Variants in CRYZL1 observed in about 807,000 individuals in gnomAD.
CRYZL1 encodes the protein crystallin zeta like 1.
Under a neutral mutation model 50.6 loss-of-function variants are expected in CRYZL1, and 34 were observed. The ratio of observed to expected loss-of-function variants is 0.67; its 90% CI spans 0.51 to 0.89. The LOEUF (loss-of-function observed/expected upper bound fraction) is 0.89, where lower values mean the gene tolerates loss of function less well. Among genes scored for constraint, CRYZL1 ranks in the 40% least tolerant of loss-of-function variants. The pLI is 0.00. For missense variants in CRYZL1, 354 were observed against 402.3 expected (o/e 0.88, Z 1.03); for synonymous variants, 125 against 134.3 (o/e 0.93, Z 0.48).
intron 5 of CRYZL1, among the ~76,000 whole-genome samples, chr21:33,614,686 C>T (rs1215120780): frequency 6.6e-6 from 1 of 152,126 alleles, no homozygotes; most frequent in East Asian, 1.9e-4. Context: ...ATTCTCCTGC[C>T]TCAGCCTCCC....
intron 1 of CRYZL1, among the ~76,000 whole-genome samples, chr21:33,632,090 A>G (rs538391849): frequency 6.6e-6 from 1 of 151,754 alleles, no homozygotes; most frequent in African/African-American, 2.4e-5. Flanking sequence ...TGGGAGGCCA[A>G]GGCAGGCAGA....
At chr21:33,602,209 A>C (rs2086763838) in intron 8 of CRYZL1, 25 bp downstream of exon 8, 1 of 1,223,740 alleles carries the variant, frequency 8.2e-7, no homozygotes, top group South Asian at 1.2e-5. Flanking sequence ...CCTGTTTTAA[A>C]GTCTGTGCTC....
intron 1 of CRYZL1, among the ~76,000 whole-genome samples, chr21:33,636,315 T>C (rs2087206095): frequency 6.6e-6 from 1 of 151,822 alleles, no homozygotes; most frequent in Non-Finnish European, 1.5e-5. Flanking sequence ...CTTTGAGCTA[T>C]AATCAACACT....
At chr21:33,629,083 T>C (rs1330916452) in intron 2 of CRYZL1, among the ~76,000 whole-genome samples, 2 of 148,452 alleles carry the variant, frequency 1.3e-5, no homozygotes, top group African/African-American at 5.0e-5. Context: ...AAAAAAAAGT[T>C]AGTCAGACAG....
intron 1 of CRYZL1, among the ~76,000 whole-genome samples, chr21:33,636,197 A>G (rs2087204786): frequency 6.6e-6 from 1 of 152,072 alleles, no homozygotes; most frequent in Non-Finnish European, 1.5e-5. Context: ...CAGGAGTTCC[A>G]CAGCCTGGGC....
chr21:33,607,518 G>A (rs1172400680), intron 6 of CRYZL1, among the ~76,000 whole-genome samples: 2 of 152,170 alleles, frequency 1.3e-5, no homozygotes, highest in East Asian at 3.9e-4. Context: ...TATTGTCCCA[G>A]CTACTTGGGA....
At chr21:33,630,311 C>T (rs761847520) in intron 2 of CRYZL1, among the ~76,000 whole-genome samples, 1 of 152,120 alleles carries the variant, frequency 6.6e-6, no homozygotes, top group African/African-American at 2.4e-5. Context: ...CCAGGCTGGG[C>T]GCAGTGGCTC....
chr21:33,592,505 C>A (rs1040551101), intron 11 of CRYZL1, among the ~76,000 whole-genome samples: 2 of 151,934 alleles, frequency 1.3e-5, no homozygotes, highest in Admixed American at 6.6e-5. Flanking sequence ...GGGGGCTGAT[C>A]GTATGTCACT....
At position 33,637,760 on chromosome 21, in the gene CRYZL1, CATATAT is replaced by C. The variant is rs10536195; in HGVS notation, c.-7+3915_-7+3920del. ...TATAAACAGCTACACAAGAGAAAAACATATATATATATATATATATATATATATACA... is the reference window on the plus strand; with the variant it reads ...TATAAACAGCTACACAAGAGAAAAACATATATATATATATATATATATACA... On this transcript the variant is annotated intron_variant, in intron 1 of 12. Coordinates refer to ENST00000381554, the MANE Select transcript of CRYZL1 (RefSeq NM_145858.3). 6.0e-3 allele frequency among the ~76,000 whole-genome samples: 788 copies of C among 131,708 alleles called. 1 individual carries two copies. The highest frequency in any genetic ancestry group is 0.029 in the East Asian group (134 of 4,662). 86.4% of individuals were successfully genotyped at this position (131,708 alleles called of 152,430 possible). A position where few individuals can be genotyped will look rare whatever the true frequency, so the allele number is the denominator to read the frequency against.
intron 1 of CRYZL1, among the ~76,000 whole-genome samples, chr21:33,636,366 A>T: frequency 6.6e-6 from 1 of 152,348 alleles, no homozygotes; most frequent in East Asian, 1.9e-4. Context: ...CTGTCTCTTA[A>T]ACATACAAAA....
intron 2 of CRYZL1, among the ~76,000 whole-genome samples, chr21:33,627,096 C>T (rs576491573): frequency 6.6e-6 from 1 of 152,280 alleles, no homozygotes; most frequent in South Asian, 2.1e-4. Context: ...AACCCCTGAC[C>T]CTCATCCTGA....
chr21:33,639,645 G>A (rs1262657882), intron 1 of CRYZL1: 1 of 152,080 alleles, frequency 6.6e-6, no homozygotes, highest in Non-Finnish European at 1.5e-5. Flanking sequence ...TAATTTTCCA[G>A]TTCACTAGAG....
rs75383843 is a variant in CRYZL1 at position 33,634,065 on chromosome 21, A to G, written c.-6-2508T>C. ...AGAAATGAATACACATTCAAGACAT[A>G]TATAGAAATTACGTATGTAGCATGT... is the stretch of plus-strand genomic sequence containing the variant. On this transcript the variant is annotated intron_variant, in intron 1 of 12. Coordinates refer to ENST00000381554, the MANE Select transcript of CRYZL1 (RefSeq NM_145858.3). Among the ~76,000 whole-genome samples, 71 of 152,378 alleles carry G rather than the reference A, an allele frequency of 4.7e-4. 1 individual carries two copies. Among genetic ancestry groups the G allele is most frequent in the African/African-American group, 1.7e-3 (71 of 41,584 alleles).
At chr21:33,603,120 C>G (rs913005051) in intron 7 of CRYZL1, 4 of 330,346 alleles carry the variant, frequency 1.2e-5, no homozygotes, top group African/African-American at 8.2e-5. Context: ...ACTATGACTT[C>G]AAAGGCTCAT....
chr21:33,589,776 A>T lies in CRYZL1; in HGVS notation c.*46T>A. On this transcript the variant is annotated 3_prime_UTR_variant, in exon 13 of 13. Coordinates refer to ENST00000381554, the MANE Select transcript of CRYZL1 (RefSeq NM_145858.3). ...ATTTCCAAAGAAAATTCTGGCTTCA[A>T]ATACTGGAATATGTTCATCCGACTG... is the stretch of plus-strand genomic sequence containing the variant. 3 of 1,236,432 alleles carry T rather than the reference A, an allele frequency of 2.4e-6. No homozygotes were observed. The South Asian group carries it at 3.9e-5, about 16-fold the overall frequency. The allele number at this position is 1,236,432 out of a possible 1,614,324, so 76.6% of individuals were successfully genotyped here. A position where few individuals can be genotyped will look rare whatever the true frequency, so the allele number is the denominator to read the frequency against.
chr21:33,641,411 C>T, intron 1 of CRYZL1: 1 of 1,342,312 alleles, frequency 7.4e-7, no homozygotes, highest in South Asian at 1.5e-5. Context: ...ACTCCCAGAC[C>T]TCTGCCTCCA....
intron 11 of CRYZL1, 116 bp from the exon 12 acceptor site, chr21:33,591,323 G>A: frequency 2.6e-6 from 2 of 775,398 alleles, no homozygotes; most frequent in Admixed American, 4.0e-5. Flanking sequence ...CACTCTCAGA[G>A]ACTCAACATG....
rs116000135 is a variant in CRYZL1, at chr21:33,629,982, G to A, written c.66+1504C>T. Among the ~76,000 whole-genome samples the A allele has an allele frequency of 9.8e-3, 1,494 of 152,212 alleles. 24 individuals are homozygous for A. The highest frequency in any genetic ancestry group is 0.034 in the African/African-American group (1,405 of 41,518). On this transcript the variant is annotated intron_variant, in intron 2 of 12. Transcript: ENST00000381554. ...ATTATATGGTTTTTCTGTATCTATT[G>A]AGATGATCAGAGGGTTTATGTCCTT... is the stretch of plus-strand genomic sequence containing the variant.
intron 1 of CRYZL1, chr21:33,641,249 C>A (rs767087550): frequency 9.7e-6 from 15 of 1,550,322 alleles, no homozygotes; most frequent in Admixed American, 5.9e-5. Context: ...CCACATACAG[C>A]GAATAACTAC....
Sources: gnomAD v4.1 joint callset for allele counts (sites outside exome capture counted in the v4.1 genomes callset) on GRCh38, gnomAD v4.1.1 for gene constraint, MANE v1.5 for transcripts, NCBI Gene and HGNC (gene_info 2026-07-23, HGNC 2026-07-21) for gene names.